EHBP1: variants seen among roughly 807,000 people sequenced by gnomAD.
EHBP1 encodes the protein EH domain-binding protein 1.
Under a neutral mutation model 144.0 loss-of-function variants are expected in EHBP1, and 55 were observed. The observed-to-expected ratio is 0.38, with a 90% CI of 0.31 to 0.48. The LOEUF (loss-of-function observed/expected upper bound fraction) is 0.48, where lower values mean the gene tolerates loss of function less well. Ranked by LOEUF, EHBP1 falls within the 20% of genes least tolerant of loss-of-function variation. The pLI, the probability that EHBP1 is intolerant of heterozygous loss-of-function variation, is 0.98. For missense variants in EHBP1, 1,200 were observed against 1,364.2 expected, an observed-to-expected ratio of 0.88 and a Z score of 1.90; for synonymous variants, 469 against 472.7, an observed-to-expected ratio of 0.99 and a Z score of 0.10.
chr2:62,894,374 G>A (rs992997876), intron 10 of EHBP1, among the ~76,000 whole-genome samples: 5 of 152,198 alleles, frequency 3.3e-5, no homozygotes, highest in African/African-American at 4.8e-5. Context: ...TTAGAGGTTA[G>A]AAATAGGAAT....
intron 19 of EHBP1, among the ~76,000 whole-genome samples, chr2:63,004,339 G>A (rs2059953059): frequency 6.6e-6 from 1 of 151,940 alleles, no homozygotes; most frequent in Non-Finnish European, 1.5e-5. Context: ...GGAAGTGTAA[G>A]TTCTTTTAAC....
At chr2:62,759,411 C>A (rs2040574134) in intron 3 of EHBP1, among the ~76,000 whole-genome samples, 1 of 151,978 alleles carries the variant, frequency 6.6e-6, no homozygotes, top group African/African-American at 2.4e-5. Flanking sequence ...TGTGCTTTTT[C>A]TTTTGTTTTT....
chr2:62,710,181 A>G (rs1337835226), intron 2 of EHBP1, among the ~76,000 whole-genome samples: 1 of 152,062 alleles, frequency 6.6e-6, no homozygotes, highest in Non-Finnish European at 1.5e-5. Flanking sequence ...TTACTATATG[A>G]GTTCTCAAAG....
intron 3 of EHBP1, among the ~76,000 whole-genome samples, chr2:62,754,855 G>C (rs191100902): frequency 1.3e-5 from 2 of 152,274 alleles, no homozygotes; most frequent in African/African-American, 4.8e-5. Context: ...TATGAGGGTG[G>C]GAGTGACCCG....
rs534932721 is a variant in EHBP1 at position 62,755,931 on chromosome 2, C to G, written c.163-8335C>G. Among the ~76,000 whole-genome samples, 12 of 151,912 alleles carry G rather than the reference C, an allele frequency of 7.9e-5. 1 individual carries two copies. The highest frequency in any genetic ancestry group is 3.9e-4 in the Admixed American group (6 of 15,244). ...AAAAAAATTAGATAGCAATTATTGT[C>G]TAAGAGAAAATGAGAAACATAAGGA... On this transcript the variant is annotated intron_variant, in intron 3 of 22. Transcript: ENST00000431489.
upstream of EHBP1, among the ~76,000 whole-genome samples, chr2:62,705,229 C>T (rs1263924751): frequency 1.2e-4 from 18 of 152,024 alleles, no homozygotes; most frequent in East Asian, 3.5e-3. Flanking sequence ...GAGGGCGCGC[C>T]CAGGTCCTGG....
chr2:63,034,226 A>G (rs1242304660), intron 19 of EHBP1, among the ~76,000 whole-genome samples: 2 of 152,084 alleles, frequency 1.3e-5, no homozygotes, highest in Non-Finnish European at 2.9e-5. Context: ...ATGAGGTACT[A>G]TGTTTTAAAA....
intron 5 of EHBP1, among the ~76,000 whole-genome samples, chr2:62,796,384 G>T (rs897064074): frequency 2.6e-5 from 4 of 152,034 alleles, no homozygotes; most frequent in Admixed American, 6.5e-5. Flanking sequence ...CAAAATAGGG[G>T]TATTAGATTG....
intron 2 of EHBP1, among the ~76,000 whole-genome samples, chr2:62,720,709 G>T (rs1039062133): frequency 6.6e-6 from 1 of 152,160 alleles, no homozygotes; most frequent in South Asian, 2.1e-4. Context: ...GCTTACAGAA[G>T]AGTTGCAAAG....
intron 2 of EHBP1, among the ~76,000 whole-genome samples, chr2:62,738,776 CAT>C (rs2038398691): frequency 6.6e-6 from 1 of 152,124 alleles, no homozygotes; most frequent in Non-Finnish European, 1.5e-5. Flanking sequence ...AAAATAATGA[CAT>C]AATTTTCAGA....
intron 3 of EHBP1, among the ~76,000 whole-genome samples, chr2:62,762,313 T>C (rs916878251): frequency 2.6e-5 from 4 of 152,370 alleles, no homozygotes; most frequent in African/African-American, 9.6e-5. Flanking sequence ...CTCCGAGACT[T>C]AGTCTTTGGA....
At chr2:62,726,176 C>T (rs1432072886) in intron 2 of EHBP1, among the ~76,000 whole-genome samples, 4 of 152,210 alleles carry the variant, frequency 2.6e-5, no homozygotes, top group East Asian at 1.9e-4. Flanking sequence ...CTTCACCAAA[C>T]CCTCTGAGCT....
chr2:62,950,632 T>A (rs2057323048), intron 13 of EHBP1, among the ~76,000 whole-genome samples: 1 of 152,172 alleles, frequency 6.6e-6, no homozygotes, highest in Non-Finnish European at 1.5e-5. Flanking sequence ...TCCTCAATAA[T>A]TTTTAAGCAT....
chr2:62,838,408 C>T (rs1181531584), intron 7 of EHBP1, among the ~76,000 whole-genome samples: 2 of 151,368 alleles, frequency 1.3e-5, no homozygotes, highest in Non-Finnish European at 3.0e-5. Flanking sequence ...AAAATTGACA[C>T]CCTAACATCA....
chr2:62,991,885 T>C (rs1426337304), intron 16 of EHBP1, among the ~76,000 whole-genome samples: 3 of 152,192 alleles, frequency 2.0e-5, no homozygotes. Context: ...TTTCTATAAA[T>C]TGGTGATGAA....
chr2:62,933,457 TCA>T (rs1218127147), intron 10 of EHBP1, among the ~76,000 whole-genome samples: 1 of 152,208 alleles, frequency 6.6e-6, no homozygotes, highest in Non-Finnish European at 1.5e-5. Flanking sequence ...TAAGTTAGTT[TCA>T]GTGTGGAATC....
chr2:62,736,224 CT>C (rs70962793), intron 2 of EHBP1, among the ~76,000 whole-genome samples: 313 of 102,230 alleles, frequency 3.1e-3, no homozygotes, highest in African/African-American at 9.8e-3. Context: ...TTCTCTTTGC[CT>C]TTTTTTTTTT....
chr2:62,814,883 T>A, intron 5 of EHBP1, among the ~76,000 whole-genome samples: 1 of 152,196 alleles, frequency 6.6e-6, no homozygotes, highest in East Asian at 1.9e-4. Flanking sequence ...CTTATCAAAT[T>A]TAAATGAAGA....
intron 10 of EHBP1, chr2:62,940,338 G>A (rs1230292533): frequency 1.9e-5 from 4 of 213,570 alleles, no homozygotes; most frequent in Non-Finnish European, 3.8e-5. Context: ...CTTTTTAAGA[G>A]GTCAGTATGG....
Sources: gnomAD v4.1 joint callset for allele counts (sites outside exome capture counted in the v4.1 genomes callset) on GRCh38, gnomAD v4.1.1 for gene constraint, MANE v1.5 for transcripts, NCBI Gene and HGNC (gene_info 2026-07-23, HGNC 2026-07-21) for gene names.